RAD52: variants seen among roughly 807,000 people sequenced by gnomAD.
RAD52 encodes the protein RAD52 DNA repair protein, also known as DNA repair protein RAD52 homolog.
In RAD52, 47 loss-of-function variants were observed where a neutral mutation model predicts 55.5. That is an observed-to-expected ratio of 0.85 (90% CI 0.67 to 1.08). The LOEUF (loss-of-function observed/expected upper bound fraction) is 1.08, where lower values mean the gene tolerates loss of function less well. Among genes scored for constraint, RAD52 ranks in the 50% least tolerant of loss-of-function variants. The probability of loss-of-function intolerance (pLI) is 0.00; values close to 1 mark genes in which losing one functional copy is unlikely to be tolerated. For synonymous variants in RAD52, 184 were observed against 198.9 expected (o/e 0.92, Z 0.63); for missense variants, 468 against 522.8 (o/e 0.90, Z 1.02).
At chr12:971,739 T>C (rs17833617) in intron 1 of RAD52, among the ~76,000 whole-genome samples, 4,818 of 152,292 alleles carry the variant, frequency 0.032, 192 homozygotes, top group African/African-American at 0.088. Context: ...TGCTTTGTTT[T>C]TGAAAGCTAT....
In RAD52 at chr12:941,323, ATTT is replaced by A. The variant is rs920290595; in HGVS notation, c.-18-8250_-18-8248del. ...AAAACCATAAAACAGAACTAAAAGA[ATTT>A]TTTTTTTTTGAGACAGAGTTTCACT... On this transcript the variant is annotated intron_variant, in intron 1 of 11. Transcript: ENST00000358495. Among the ~76,000 whole-genome samples the A allele has an allele frequency of 2.0e-5, 3 of 148,166 alleles. No homozygotes were observed. The Admixed American group carries it at 2.0e-4, about 10-fold the overall frequency.
At chr12:950,573 A>AAT (rs1371089194), upstream of RAD52, among the ~76,000 whole-genome samples, 1 of 149,592 alleles carries the variant, frequency 6.7e-6, no homozygotes, top group East Asian at 2.0e-4. Flanking sequence ...CTCCGTCTCA[A>AAT]AAAAAAAAAA....
At chr12:934,103 C>CAAA (rs528889211) in intron 1 of RAD52, among the ~76,000 whole-genome samples, 2 of 64,226 alleles carry the variant, frequency 3.1e-5, no homozygotes, top group Non-Finnish European at 3.1e-5. Context: ...GACTCTGTCT[C>CAAA]AAAAAAAAAA....
chr12:970,318 C>CAAAAAA (rs4017793), intron 1 of RAD52, among the ~76,000 whole-genome samples: 2 of 67,168 alleles, frequency 3.0e-5, no homozygotes, highest in Non-Finnish European at 2.6e-5. Flanking sequence ...GACATCATCT[C>CAAAAAA]AAAAAAAAAA....
chr12:913,140 C>T lies in RAD52; in HGVS notation c.*251G>A. 2.4e-6 allele frequency: 1 copy of T among 414,746 alleles called. No homozygotes were observed. Among genetic ancestry groups the T allele is most frequent in the Non-Finnish European group, 4.3e-6 (1 of 235,176 alleles). 25.7% of individuals were successfully genotyped at this position (414,746 alleles called of 1,614,324 possible). On this transcript the variant is annotated 3_prime_UTR_variant, in exon 12 of 12. Transcript: ENST00000358495. ...AGTTCAGTAATAAATAGTGGGAAGC[C>T]TCACAAGCCGAAGAAAAGGTATTCA...
At chr12:951,746 T>G (rs1387879929), upstream of RAD52, among the ~76,000 whole-genome samples, 2 of 151,440 alleles carry the variant, frequency 1.3e-5, no homozygotes, top group African/African-American at 4.8e-5. Context: ...CTGCTCACTT[T>G]AGGTTTACTT....
chr12:954,933 C>T (rs2154120307), intron 1 of RAD52, among the ~76,000 whole-genome samples: 1 of 152,268 alleles, frequency 6.6e-6, no homozygotes, highest in South Asian at 2.1e-4. Context: ...TTCCCTAGAT[C>T]CAATTTGAAA....
chr12:917,165 C>T (rs1956439016), intron 7 of RAD52, among the ~76,000 whole-genome samples: 1 of 152,174 alleles, frequency 6.6e-6, no homozygotes, highest in Non-Finnish European at 1.5e-5. Context: ...TGTACCTTCC[C>T]AACCCTTTCT....
chr12:974,918 C>T (rs1433665375), intron 1 of RAD52: 1 of 152,198 alleles, frequency 6.6e-6, no homozygotes, highest in Non-Finnish European at 1.5e-5. Flanking sequence ...TGCCTTCCAA[C>T]ACCTGTGGTT....
chr12:916,290 C>T, intron 9 of RAD52, 54 bp downstream of exon 9: 1 of 1,589,456 alleles, frequency 6.3e-7, no homozygotes, highest in East Asian at 2.2e-5. Flanking sequence ...GACCCTGCGG[C>T]TACACTTCCT....
intron 5 of RAD52, among the ~76,000 whole-genome samples, chr12:927,950 C>T (rs193192347): frequency 6.6e-6 from 1 of 152,172 alleles, no homozygotes; most frequent in Admixed American, 6.5e-5. Flanking sequence ...GAGAGCAAAC[C>T]CTTTGTAAAT....
In RAD52 at chr12:966,908, T is replaced by TA. The variant is rs1007450142; in HGVS notation, c.-19+22900dup. Among the ~76,000 whole-genome samples the TA allele has an allele frequency of 5.2e-3, 766 of 148,064 alleles. 6 individuals carry two copies. Among genetic ancestry groups the TA allele is most frequent in the Middle Eastern group, 0.014 (4 of 292 alleles). On this transcript the variant is annotated intron_variant, in intron 1 of 11. Coordinates refer to the RAD52 transcript ENST00000430095. Reference sequence around the variant, plus strand: ...TCTATTTTACTGTTGCGTCACAAGGTAAAAAAAAAAATCTATTTTGGCTAC... The same window carrying TA: ...TCTATTTTACTGTTGCGTCACAAGGTAAAAAAAAAAAATCTATTTTGGCTAC...
chr12:982,205 C>G (rs976495804), intron 1 of RAD52, among the ~76,000 whole-genome samples: 1 of 47,404 alleles, frequency 2.1e-5, no homozygotes, highest in Non-Finnish European at 8.8e-5. Flanking sequence ...TCCTTCTGTC[C>G]TGTGTCCCCT....
At chr12:931,698 A>G (rs187664155) in intron 2 of RAD52, among the ~76,000 whole-genome samples, 94 of 152,344 alleles carry the variant, frequency 6.2e-4, no homozygotes, top group African/African-American at 2.2e-3. Flanking sequence ...AGCTGCTGCT[A>G]CCATCCTTAT....
At position 927,215 on chromosome 12, in the gene RAD52, T is replaced by C. The variant is rs756386531; in HGVS notation, c.397A>G (p.Lys133Glu). The C allele has an allele frequency of 5.6e-6, 9 of 1,614,010 alleles. No homozygotes were observed. The African/African-American group carries it at 1.1e-4, about 19-fold the overall frequency. The change falls in exon 6 of 12, where the codon AAG becomes GAG. Residue 133 changes from lysine to glutamate, a missense_variant. Lys to Glu is a moderately conservative substitution (Grantham distance 56, BLOSUM62 1). Coordinates refer to ENST00000358495, the MANE Select transcript of RAD52 (RefSeq NM_134424.4). Reference protein sequence around the residue: ...DVGYGVSEGLKSKALSLEKAR... With the variant: ...DVGYGVSEGLESKALSLEKAR... ...TTCTCCAAAGATAAAGCCTTGGACT[T>C]GAGGCCCTCACTAACACCATAACCA...
At chr12:971,803 A>T (rs1371344591) in intron 1 of RAD52, among the ~76,000 whole-genome samples, 1 of 151,776 alleles carries the variant, frequency 6.6e-6, no homozygotes, top group African/African-American at 2.4e-5. Flanking sequence ...GCTGGAGTGC[A>T]GTGGCGCGAT....
rs569532079 is a variant in RAD52, at chr12:986,807, G to A, written c.-19+3002C>T. 6.1e-5 allele frequency among the ~76,000 whole-genome samples: 9 copies of A among 146,488 alleles called. No homozygotes were observed. In the East Asian group the frequency reaches 1.2e-3, roughly 19 times the overall value. ...CTGTTTAATTCTCTCTTTTCCGGGCGTTTTCTCTCCCAGAACTCCTACCCT... is the reference window on the plus strand; with the variant it reads ...CTGTTTAATTCTCTCTTTTCCGGGCATTTTCTCTCCCAGAACTCCTACCCT... On this transcript the variant is annotated intron_variant, in intron 1 of 11. Transcript: ENST00000430095.
rs1343493240 is a variant in RAD52, at chr12:916,456, G to A, written c.753C>T (p.Ser251=). 1.9e-6 allele frequency: 3 copies of A among 1,607,252 alleles called. No homozygotes were observed. Among genetic ancestry groups the A allele is most frequent in the Non-Finnish European group, 2.5e-6 (3 of 1,179,324 alleles). Residue 251 remains serine (S), a synonymous_variant, in exon 9 of 12, where the codon AGC becomes AGT. Transcript: ENST00000358495. ...SRSLSSSAVE[S]EATHQRKLRQ... is the part of the protein sequence containing the mutation. ...GGAGCTTCCGCTGGTGCGTGGCCTC[G>A]CTCTCCACGGCGGATGAGCTCAGGC...
chr12:982,785 C>T (rs898996518), intron 1 of RAD52, among the ~76,000 whole-genome samples: 3 of 150,846 alleles, frequency 2.0e-5, no homozygotes, highest in East Asian at 3.9e-4. Flanking sequence ...CCCACCTCAG[C>T]CCCACACCCC....
Sources: allele counts gnomAD v4.1 joint callset (sites outside exome capture counted in the v4.1 genomes callset), GRCh38; gene constraint gnomAD v4.1.1; transcripts MANE v1.5; gene names NCBI Gene and HGNC (gene_info 2026-07-23, HGNC 2026-07-21).